The following ARHGAP6 variants were observed in gnomAD, a reference collection of about 807,000 sequenced individuals.
ARHGAP6 encodes the protein Rho GTPase activating protein 6.
In ARHGAP6, 16 loss-of-function variants were observed where a neutral mutation model predicts 55.7. The ratio of observed to expected loss-of-function variants is 0.29; its 90% CI spans 0.19 to 0.44. The LOEUF (loss-of-function observed/expected upper bound fraction) is 0.44, where lower values mean the gene tolerates loss of function less well. ARHGAP6 is among the 20% of genes least tolerant of loss of function. The probability of loss-of-function intolerance (pLI) is 1.00; values close to 1 mark genes in which losing one functional copy is unlikely to be tolerated. For missense variants in ARHGAP6, 698 were observed against 808.9 expected, an observed-to-expected ratio of 0.86 and a Z score of 1.66; for synonymous variants, 382 against 360.9, an observed-to-expected ratio of 1.06 and a Z score of -0.66.
At chrX:11,590,572 G>C (rs2051793944) in intron 1 of ARHGAP6, among the ~76,000 whole-genome samples, 1 of 107,625 alleles carries the variant, frequency 9.3e-6, no homozygotes, top group Admixed American at 1.0e-4. Context: ...AGTCACTTGA[G>C]GTTAGTAGTC....
chrX:11,374,562 T>C (rs1336434675), intron 1 of ARHGAP6, among the ~76,000 whole-genome samples: 1 of 112,267 alleles, frequency 8.9e-6, no homozygotes, highest in Admixed American at 9.4e-5. Context: ...GGCAATCTAA[T>C]ACCACCTCTG....
At chrX:11,477,598 A>T (rs2050416300) in intron 1 of ARHGAP6, among the ~76,000 whole-genome samples, 1 of 112,398 alleles carries the variant, frequency 8.9e-6, no homozygotes, top group Non-Finnish European at 1.9e-5. Context: ...AACAGAAAAC[A>T]ACTCAAATAT....
intron 1 of ARHGAP6, among the ~76,000 whole-genome samples, chrX:11,576,236 G>T (rs1432331725): frequency 8.9e-6 from 1 of 111,750 alleles, no homozygotes. Flanking sequence ...GGGTGATACT[G>T]TCACTTTATT....
At chrX:11,311,762 G>A (rs762067983) in intron 1 of ARHGAP6, among the ~76,000 whole-genome samples, 2 of 111,883 alleles carry the variant, frequency 1.8e-5, no homozygotes, top group South Asian at 7.5e-4. Context: ...GTCCATACAG[G>A]CTGATTCTGA....
At chrX:11,145,166 A>T (rs1292139688) in intron 10 of ARHGAP6, 1 of 112,706 alleles carries the variant, frequency 8.9e-6, no homozygotes, top group Non-Finnish European at 1.9e-5. Context: ...TCCAGAACCT[A>T]CATCTTTTCC....
chrX:11,402,864 C>A (rs1369617437), intron 1 of ARHGAP6, among the ~76,000 whole-genome samples: 1 of 111,413 alleles, frequency 9.0e-6, no homozygotes, highest in Non-Finnish European at 1.9e-5. Flanking sequence ...GTGGGCAAAT[C>A]CTATTTATGT....
At chrX:11,343,544 T>C (rs2147656456) in intron 1 of ARHGAP6, among the ~76,000 whole-genome samples, 1 of 112,326 alleles carries the variant, frequency 8.9e-6, no homozygotes, top group South Asian at 3.7e-4. Context: ...TCATTTGAAA[T>C]GCTAATATAG....
intron 1 of ARHGAP6, among the ~76,000 whole-genome samples, chrX:11,587,389 C>T (rs144899102): frequency 1.8e-5 from 2 of 111,822 alleles, no homozygotes; most frequent in Non-Finnish European, 3.8e-5. Context: ...ATGAGGAATA[C>T]ATTGCATGCC....
intron 1 of ARHGAP6, among the ~76,000 whole-genome samples, chrX:11,511,959 T>C (rs994695195): frequency 9.0e-6 from 1 of 111,286 alleles, no homozygotes; most frequent in African/African-American, 3.3e-5. Context: ...CCTGAGTAGC[T>C]GGGACTACAG....
chrX:11,519,352 T>C lies in ARHGAP6; in HGVS notation c.588+144889A>G, dbSNP rs777925299. ...CTAACTGGTGTGAGATGATATCTCA[T>C]AGTGGTTTTGATTTGCATTTCTCTG... On this transcript the variant is annotated intron_variant, in intron 1 of 12. Transcript: ENST00000337414. Among the ~76,000 whole-genome samples, 5 of 110,341 alleles carry C rather than the reference T, an allele frequency of 4.5e-5. No homozygotes were observed. The Admixed American group carries it at 4.9e-4, about 11-fold the overall frequency.
rs768446501 is a variant in ARHGAP6, at chrX:11,139,065, G to C, written c.2723C>G (p.Thr908Arg). 2 of 1,205,284 alleles carry C rather than the reference G, an allele frequency of 1.7e-6. No individual in the cohort carries two copies. The highest frequency in any genetic ancestry group is 3.6e-5 in the South Asian group (2 of 56,202). Residue 908 changes from threonine (T) to arginine (R), a missense_variant, in exon 13 of 13, where the codon ACG becomes AGG. This residue lies in a region of ARHGAP6 where 212 missense variants were observed against 208.7 expected (regional missense o/e 1.02). Coordinates refer to ENST00000337414, the MANE Select transcript of ARHGAP6 (RefSeq NM_013427.3). ...QGPPEGVETP[T>R]DQGGQAAERE... ...CTCGGCTGCTTGGCCTCCCTGGTCC[G>C]TGGGTGTCTCCACGCCTTCCGGGGG...
chrX:11,576,515 T>G (rs2051600734), intron 1 of ARHGAP6, among the ~76,000 whole-genome samples: 1 of 111,808 alleles, frequency 8.9e-6, no homozygotes, highest in Non-Finnish European at 1.9e-5. Flanking sequence ...CTTTGTGACT[T>G]GCCTTACAGA....
At chrX:11,462,958 T>C (rs922038612) in intron 1 of ARHGAP6, among the ~76,000 whole-genome samples, 2 of 112,628 alleles carry the variant, frequency 1.8e-5, no homozygotes, top group Non-Finnish European at 3.8e-5. Flanking sequence ...CTTGTATCTC[T>C]CCTCTTGCAG....
intron 1 of ARHGAP6, among the ~76,000 whole-genome samples, chrX:11,660,572 A>AAAAAAAAAAAAAAAAAAAAAC (rs2052690659): frequency 1.1e-5 from 1 of 92,277 alleles, no homozygotes; most frequent in Non-Finnish European, 2.2e-5. Flanking sequence ...AAAAAAAAAA[A>AAAAAAAAAAAAAAAAAAAAAC]AAAAAACCCA....
chrX:11,241,573 T>TGC (rs1555975293), intron 2 of ARHGAP6, among the ~76,000 whole-genome samples: 1,721 of 97,323 alleles, frequency 0.018, 13 homozygotes, highest in South Asian at 0.055. Context: ...TGTGTGTGTG[T>TGC]GCGCGTGTGT....
At chrX:11,605,041 C>G (rs2052017985) in intron 1 of ARHGAP6, among the ~76,000 whole-genome samples, 1 of 111,804 alleles carries the variant, frequency 8.9e-6, no homozygotes, top group South Asian at 3.7e-4. Context: ...CTGGATGAAG[C>G]CTCACAGCAT....
chrX:11,404,839 C>T (rs1373087344), intron 1 of ARHGAP6, among the ~76,000 whole-genome samples: 1 of 112,230 alleles, frequency 8.9e-6, no homozygotes, highest in Non-Finnish European at 1.9e-5. Context: ...GGTTAACATT[C>T]TAACTATCTT....
chrX:11,161,316 CAAGT>C (rs1377209475), intron 9 of ARHGAP6, among the ~76,000 whole-genome samples: 1 of 111,544 alleles, frequency 9.0e-6, no homozygotes, highest in Non-Finnish European at 1.9e-5. Flanking sequence ...AAATAAAAGT[CAAGT>C]AAATAAACTG....
At chrX:11,461,912 C>A (rs1167025381) in intron 1 of ARHGAP6, among the ~76,000 whole-genome samples, 1 of 111,711 alleles carries the variant, frequency 9.0e-6, no homozygotes, top group African/African-American at 3.3e-5. Context: ...CCAGAAAGAA[C>A]ACCCTGCAGA....
Sources: gnomAD v4.1 joint callset for allele counts (sites outside exome capture counted in the v4.1 genomes callset) on GRCh38, gnomAD v4.1.1 for gene constraint, gnomAD v4.1.1 regional missense constraint, MANE v1.5 for transcripts, NCBI Gene and HGNC (gene_info 2026-07-23, HGNC 2026-07-21) for gene names.